DPP10: variants seen among roughly 807,000 people sequenced by gnomAD.
DPP10 encodes the protein dipeptidyl peptidase like 10, also known as inactive dipeptidyl peptidase 10.
A neutral mutation model predicts 120.9 loss-of-function variants in DPP10; 33 were observed. That is an observed-to-expected ratio of 0.27 (90% CI 0.21 to 0.37). The LOEUF is 0.37. DPP10 is among the 10% of genes least tolerant of loss of function. The pLI is 1.00. For missense variants in DPP10, 816 were observed against 942.8 expected, an observed-to-expected ratio of 0.87 and a Z score of 1.76; for synonymous variants, 337 against 326.1, an observed-to-expected ratio of 1.03 and a Z score of -0.36.
At chr2:114,638,343 T>C (rs1428708023) in intron 1 of DPP10, among the ~76,000 whole-genome samples, 1 of 151,500 alleles carries the variant, frequency 6.6e-6, no homozygotes, top group Non-Finnish European at 1.5e-5. Flanking sequence ...GTCAACAGAG[T>C]AAACAACCTA....
At chr2:115,028,990 T>C (rs990250603) in intron 1 of DPP10, among the ~76,000 whole-genome samples, 3 of 152,106 alleles carry the variant, frequency 2.0e-5, no homozygotes, top group African/African-American at 7.2e-5. Context: ...TTTAGTTGTC[T>C]TTGTTTTCTA....
At chr2:115,810,695 A>C (rs919751233) in intron 19 of DPP10, among the ~76,000 whole-genome samples, 1 of 152,194 alleles carries the variant, frequency 6.6e-6, no homozygotes, top group African/African-American at 2.4e-5. Context: ...TGACCTTTTC[A>C]CTGCTTAAAA....
chr2:114,955,688 C>T (rs920716274), intron 1 of DPP10, among the ~76,000 whole-genome samples: 3 of 152,120 alleles, frequency 2.0e-5, no homozygotes, highest in Admixed American at 2.0e-4. Context: ...TAGGTGCAAA[C>T]GTCCTCAGCA....
chr2:114,550,230 A>G (rs1687774389), intron 1 of DPP10, among the ~76,000 whole-genome samples: 1 of 152,170 alleles, frequency 6.6e-6, no homozygotes, highest in Admixed American at 6.5e-5. Flanking sequence ...CATTCTCAAG[A>G]CAAATCCCAA....
chr2:114,957,659 C>T (rs1490905529), intron 1 of DPP10, among the ~76,000 whole-genome samples: 1 of 152,092 alleles, frequency 6.6e-6, no homozygotes, highest in African/African-American at 2.4e-5. Flanking sequence ...TTCATTGGTG[C>T]CTTGTTCACA....
At position 115,489,627 on chromosome 2, in the gene DPP10, TA is replaced by T. The variant is rs1350827825; in HGVS notation, c.272-9880del. On this transcript the variant is annotated intron_variant, in intron 3 of 25. Coordinates refer to ENST00000410059, the MANE Select transcript of DPP10 (RefSeq NM_020868.6). ...TAAAACTGGCGCTTTTTTTTTTTTT[TA>T]AATTAAGCTGGTACAATTTGACTTA... Among the ~76,000 whole-genome samples the T allele has an allele frequency of 3.3e-5, 5 of 151,628 alleles. No homozygotes were observed. The East Asian group carries it at 5.8e-4, about 18-fold the overall frequency.
intron 1 of DPP10, among the ~76,000 whole-genome samples, chr2:114,551,238 C>T (rs1426782137): frequency 6.6e-6 from 1 of 152,174 alleles, no homozygotes; most frequent in African/African-American, 2.4e-5. Context: ...TCGCTTTGGT[C>T]TCTCCCTGTT....
chr2:114,654,472 A>G (rs1466515887), intron 1 of DPP10, among the ~76,000 whole-genome samples: 1 of 152,194 alleles, frequency 6.6e-6, no homozygotes, highest in Non-Finnish European at 1.5e-5. Flanking sequence ...TTTGAAAGCC[A>G]GGAGTCCAAA....
chr2:114,551,942 G>A (rs1031904007), intron 1 of DPP10, among the ~76,000 whole-genome samples: 1 of 152,122 alleles, frequency 6.6e-6, no homozygotes, highest in Admixed American at 6.5e-5. Flanking sequence ...TGATCCTGAC[G>A]AGAAAAAGGC....
chr2:114,882,034 T>C (rs964931998), intron 1 of DPP10, among the ~76,000 whole-genome samples: 4 of 152,158 alleles, frequency 2.6e-5, no homozygotes, highest in Non-Finnish European at 4.4e-5. Context: ...TATATGCATG[T>C]TTGTTTTAAA....
At chr2:115,424,105 A>C (rs1307210340) in intron 3 of DPP10, among the ~76,000 whole-genome samples, 1 of 152,172 alleles carries the variant, frequency 6.6e-6, no homozygotes, top group East Asian at 1.9e-4. Context: ...AACCATAGCT[A>C]ATCAAGTAAT....
At chr2:114,799,955 A>T (rs1047002870) in intron 1 of DPP10, among the ~76,000 whole-genome samples, 1 of 152,224 alleles carries the variant, frequency 6.6e-6, no homozygotes, top group Non-Finnish European at 1.5e-5. Flanking sequence ...TGAGAAGGCA[A>T]AGCAAAACCT....
intron 5 of DPP10, among the ~76,000 whole-genome samples, chr2:115,570,966 G>A (rs1193269071): frequency 1.3e-5 from 2 of 152,148 alleles, no homozygotes; most frequent in African/African-American, 4.8e-5. Flanking sequence ...AGGACGGAGA[G>A]GGGAGTCGGT....
chr2:114,581,066 G>A (rs575205430), intron 1 of DPP10, among the ~76,000 whole-genome samples: 4 of 151,704 alleles, frequency 2.6e-5, no homozygotes, highest in African/African-American at 7.3e-5. Context: ...ATTCTGTAGG[G>A]TTTTGGCATT....
chr2:114,986,628 CTCA>C (rs1219843835), intron 1 of DPP10, among the ~76,000 whole-genome samples: 10 of 152,258 alleles, frequency 6.6e-5, no homozygotes, highest in African/African-American at 1.4e-4. Context: ...AATTACCAAA[CTCA>C]TCATTTAATA....
chr2:115,618,649 C>G (rs1246853259), intron 5 of DPP10, among the ~76,000 whole-genome samples: 1 of 152,162 alleles, frequency 6.6e-6, no homozygotes, highest in East Asian at 1.9e-4. Flanking sequence ...TCTACACATA[C>G]AAATCCGTTT....
chr2:115,099,528 C>T (rs562539092), intron 1 of DPP10, among the ~76,000 whole-genome samples: 2 of 152,210 alleles, frequency 1.3e-5, no homozygotes, highest in African/African-American at 2.4e-5. Flanking sequence ...TTTTGTGGCC[C>T]CTCAAGGTCA....
chr2:114,942,936 C>T (rs1340090485), intron 1 of DPP10, among the ~76,000 whole-genome samples: 2 of 152,070 alleles, frequency 1.3e-5, no homozygotes, highest in East Asian at 1.9e-4. Flanking sequence ...TTCTGGAGTA[C>T]ACCTGCGGAA....
intron 1 of DPP10, among the ~76,000 whole-genome samples, chr2:114,955,553 C>T (rs920506529): frequency 3.9e-5 from 6 of 152,156 alleles, no homozygotes; most frequent in African/African-American, 1.4e-4. Flanking sequence ...TCAAACACTT[C>T]CAAAATATTG....
Sources: allele counts gnomAD v4.1 joint callset (sites outside exome capture counted in the v4.1 genomes callset), GRCh38; gene constraint gnomAD v4.1.1; transcripts MANE v1.5; gene names NCBI Gene and HGNC (gene_info 2026-07-23, HGNC 2026-07-21).